The following PPFIA1 variants were observed in gnomAD, a reference collection of about 807,000 sequenced individuals.
The protein encoded by PPFIA1 is PPFI scaffold protein A1.
A neutral mutation model predicts 149.9 loss-of-function variants in PPFIA1; 25 were observed. The observed-to-expected ratio is 0.17, with a 90% CI of 0.12 to 0.23. PPFIA1 has a LOEUF of 0.23. Ranked by LOEUF, PPFIA1 falls within the 10% of genes least tolerant of loss-of-function variation. The pLI, the probability that PPFIA1 is intolerant of heterozygous loss-of-function variation, is 1.00. For missense variants in PPFIA1, 1,362 were observed against 1,506.5 expected (o/e 0.90, Z 1.59); for synonymous variants, 549 against 552.8 (o/e 0.99, Z 0.10).
chr11:70,346,260 G>A (rs1231105434), intron 15 of PPFIA1, among the ~76,000 whole-genome samples: 1 of 152,102 alleles, frequency 6.6e-6, no homozygotes, highest in Non-Finnish European at 1.5e-5. Context: ...CTGAATCCAA[G>A]GGAGGAGCAG....
intron 2 of PPFIA1, among the ~76,000 whole-genome samples, chr11:70,301,867 A>G (rs1250435032): frequency 2.0e-5 from 3 of 152,220 alleles, no homozygotes; most frequent in Admixed American, 6.5e-5. Flanking sequence ...CAGCACATGA[A>G]TGTTTCACGG....
At chr11:70,277,542 G>A (rs1367848108) in intron 2 of PPFIA1, among the ~76,000 whole-genome samples, 2 of 150,986 alleles carry the variant, frequency 1.3e-5, no homozygotes, top group East Asian at 3.9e-4. Context: ...CCAGGCTGAA[G>A]TGCAGTGGCA....
chr11:70,382,611 T>C (rs1565475453), intron 27 of PPFIA1, among the ~76,000 whole-genome samples: 1 of 152,242 alleles, frequency 6.6e-6, no homozygotes, highest in Admixed American at 6.5e-5. Context: ...TATATTATAC[T>C]AAGTGTGACA....
chr11:70,380,025 G>A (rs1484717391), intron 26 of PPFIA1, among the ~76,000 whole-genome samples: 1 of 152,178 alleles, frequency 6.6e-6, no homozygotes, highest in Non-Finnish European at 1.5e-5. Context: ...TTTTACTTGT[G>A]GCTTCAATTT....
chr11:70,379,713 T>C (rs2057633423), intron 26 of PPFIA1, among the ~76,000 whole-genome samples: 1 of 152,174 alleles, frequency 6.6e-6, no homozygotes, highest in African/African-American at 2.4e-5. Flanking sequence ...TTTTGTTCTC[T>C]ATCACCTGTA....
chr11:70,383,462 T>A lies in PPFIA1; in HGVS notation c.*472T>A. On this transcript the variant is annotated 3_prime_UTR_variant, in exon 28 of 28. Coordinates refer to ENST00000253925, the MANE Select transcript of PPFIA1 (RefSeq NM_003626.5). ...ATTATGACAGAAGCCATGTGCATTATCCTTTACGGACGCAGCCTAGCTCTA... is the reference window on the plus strand; with the variant it reads ...ATTATGACAGAAGCCATGTGCATTAACCTTTACGGACGCAGCCTAGCTCTA... 1 of 172,922 alleles carries A rather than the reference T, an allele frequency of 5.8e-6. No homozygotes were observed. The highest frequency in any genetic ancestry group is 1.2e-5 in the Non-Finnish European group (1 of 82,458). The allele number at this position is 172,922 out of a possible 1,614,324, so 10.7% of individuals were successfully genotyped here.
At chr11:70,335,517 C>T (rs374981528) in intron 10 of PPFIA1, 46 bp from the exon 11 acceptor site, 15 of 1,599,410 alleles carry the variant, frequency 9.4e-6, no homozygotes, top group Middle Eastern at 1.7e-4. Context: ...AAATAATGAT[C>T]GAGGATTTAC....
At chr11:70,312,388 AC>A (rs1287690218) in intron 2 of PPFIA1, among the ~76,000 whole-genome samples, 1 of 151,920 alleles carries the variant, frequency 6.6e-6, no homozygotes, top group Non-Finnish European at 1.5e-5. Flanking sequence ...ACCAGGTTTC[AC>A]CATGTTGCTT....
intron 21 of PPFIA1, chr11:70,362,930 T>G (rs535409147): frequency 6.4e-6 from 1 of 155,996 alleles, no homozygotes; most frequent in Non-Finnish European, 1.4e-5. Flanking sequence ...CCCAGCTGAG[T>G]TTATCAAAAT....
chr11:70,293,916 G>A (rs958790092), intron 2 of PPFIA1, among the ~76,000 whole-genome samples: 1 of 149,728 alleles, frequency 6.7e-6, no homozygotes, highest in Non-Finnish European at 1.5e-5. Flanking sequence ...ATACTCTGTA[G>A]TTCCTGCACA....
intron 2 of PPFIA1, among the ~76,000 whole-genome samples, chr11:70,297,338 G>C (rs2052137540): frequency 6.6e-6 from 1 of 152,040 alleles, no homozygotes; most frequent in African/African-American, 2.4e-5. Flanking sequence ...GAACCTAGCA[G>C]GTTAAGACTG....
chr11:70,300,795 A>G (rs1334227653), intron 2 of PPFIA1, among the ~76,000 whole-genome samples: 1 of 152,192 alleles, frequency 6.6e-6, no homozygotes, highest in African/African-American at 2.4e-5. Flanking sequence ...GGCCTCCCAA[A>G]GTGCTGGGAT....
At chr11:70,275,053 A>T (rs1239800458) in intron 2 of PPFIA1, among the ~76,000 whole-genome samples, 6 of 152,144 alleles carry the variant, frequency 3.9e-5, no homozygotes, top group Non-Finnish European at 8.8e-5. Flanking sequence ...AGTTTGTACT[A>T]CCCCAGCAAT....
chr11:70,329,104 T>C (rs1334540853), intron 7 of PPFIA1, among the ~76,000 whole-genome samples: 1 of 152,182 alleles, frequency 6.6e-6, no homozygotes, highest in African/African-American at 2.4e-5. Context: ...ATCCAACCCT[T>C]ATCCTAGAAA....
At chr11:70,337,942 G>T (rs1697661618) in intron 12 of PPFIA1, among the ~76,000 whole-genome samples, 1 of 152,134 alleles carries the variant, frequency 6.6e-6, no homozygotes. Flanking sequence ...GCCAGTGTTG[G>T]ACAGCACAGC....
chr11:70,324,907 G>A lies in PPFIA1; in HGVS notation c.427G>A (p.Val143Met), dbSNP rs757711997. Reference protein sequence around the residue: ...SRHERSLRMTVVKRQAQSPAG... With the variant: ...SRHERSLRMTMVKRQAQSPAG... ...GCATGAGCGGTCTCTTAGGATGACC[G>A]TGGTGAAGAGACAAGCGCAGTCTCC... is the stretch of plus-strand genomic sequence containing the variant. Residue 143 changes from valine (V) to methionine (M), a missense_variant, in exon 4 of 28, where the codon GTG (valine) becomes ATG (methionine). Transcript: ENST00000253925. 6.2e-7 allele frequency: 1 copy of A among 1,613,586 alleles called. No individual in the cohort carries two copies. Among genetic ancestry groups the A allele is most frequent in the East Asian group, 2.2e-5 (1 of 44,864 alleles).
At chr11:70,369,473 C>A (rs149367025) in intron 21 of PPFIA1, among the ~76,000 whole-genome samples, 49 of 152,242 alleles carry the variant, frequency 3.2e-4, no homozygotes, top group Non-Finnish European at 5.9e-4. Context: ...TGATGCTGGC[C>A]TCATAGAATG....
At chr11:70,363,014 A>C (rs571116009) in intron 21 of PPFIA1, 1 of 152,544 alleles carries the variant, frequency 6.6e-6, no homozygotes, top group South Asian at 2.1e-4. Context: ...AATGTTTTGA[A>C]TTTCATTTTT....
At chr11:70,366,573 GC>G (rs1394828141) in intron 21 of PPFIA1, among the ~76,000 whole-genome samples, 1 of 152,172 alleles carries the variant, frequency 6.6e-6, no homozygotes. Flanking sequence ...CAGACAGCTT[GC>G]CGAAATGTCG....
Sources: allele counts gnomAD v4.1 joint callset (sites outside exome capture counted in the v4.1 genomes callset), GRCh38; gene constraint gnomAD v4.1.1; transcripts MANE v1.5; gene names NCBI Gene and HGNC (gene_info 2026-07-23, HGNC 2026-07-21).